GRID2: variants seen among roughly 807,000 people sequenced by gnomAD.
GRID2 encodes glutamate receptor ionotropic, delta-2.
GRID2 carries 33 observed loss-of-function variants against 114.8 expected under a neutral mutation model. That is an observed-to-expected ratio of 0.29 (90% confidence interval 0.22 to 0.38). The LOEUF (loss-of-function observed/expected upper bound fraction) is 0.38. Among genes scored for constraint, GRID2 ranks in the 10% least tolerant of loss-of-function variants. The pLI is 1.00. For synonymous variants in GRID2, 505 were observed against 449.9 expected (o/e 1.12, Z -1.55); for missense variants, 1,184 against 1,257.7 (o/e 0.94, Z 0.89).
intron 2 of GRID2, among the ~76,000 whole-genome samples, chr4:92,658,793 GTATATATATATA>G (rs201480396): frequency 2.3e-5 from 3 of 132,388 alleles, no homozygotes; most frequent in Non-Finnish European, 3.2e-5. Flanking sequence ...GTGTGTGTGT[GTATATATATATA>G]TATATATATA....
At chr4:93,489,087 G>A (rs953105932) in intron 11 of GRID2, among the ~76,000 whole-genome samples, 1 of 151,718 alleles carries the variant, frequency 6.6e-6, no homozygotes, top group African/African-American at 2.4e-5. Flanking sequence ...AAATTATAAA[G>A]GACGGAAATA....
chr4:93,775,563 G>A (rs1034914189), downstream of GRID2, among the ~76,000 whole-genome samples: 4 of 152,178 alleles, frequency 2.6e-5, no homozygotes, highest in African/African-American at 9.7e-5. Flanking sequence ...GTCGGTTCCT[G>A]TTTCTGTCTA....
At chr4:92,491,258 T>C (rs570236153) in intron 1 of GRID2, among the ~76,000 whole-genome samples, 28 of 152,302 alleles carry the variant, frequency 1.8e-4, no homozygotes, top group Non-Finnish European at 3.7e-4. Context: ...TGCATATATA[T>C]GCATCTTGCA....
chr4:93,721,089 G>A (rs1729329954), intron 14 of GRID2, among the ~76,000 whole-genome samples: 1 of 152,104 alleles, frequency 6.6e-6, no homozygotes, highest in African/African-American at 2.4e-5. Flanking sequence ...AAGTTTTACA[G>A]GAAATCAAAG....
At chr4:92,956,968 G>A (rs1752450159) in intron 2 of GRID2, among the ~76,000 whole-genome samples, 1 of 152,050 alleles carries the variant, frequency 6.6e-6, no homozygotes, top group Admixed American at 6.6e-5. Flanking sequence ...CTTTGGTGAG[G>A]TATCTTTTAA....
intron 2 of GRID2, among the ~76,000 whole-genome samples, chr4:93,073,861 A>G (rs1399445960): frequency 1.3e-5 from 2 of 152,202 alleles, no homozygotes; most frequent in Non-Finnish European, 2.9e-5. Flanking sequence ...AGGGGCAGTA[A>G]CAGTGACAAC....
At chr4:93,105,937 G>C (rs1331553786) in intron 3 of GRID2, among the ~76,000 whole-genome samples, 2 of 152,072 alleles carry the variant, frequency 1.3e-5, no homozygotes, top group Non-Finnish European at 2.9e-5. Flanking sequence ...TATATTCACA[G>C]ATTACAGGGA....
intron 2 of GRID2, among the ~76,000 whole-genome samples, chr4:92,878,006 A>G (rs1268582878): frequency 1.3e-5 from 2 of 152,180 alleles, no homozygotes; most frequent in Non-Finnish European, 2.9e-5. Context: ...TGCTACAAAT[A>G]CTCAATTTGT....
intron 8 of GRID2, among the ~76,000 whole-genome samples, chr4:93,243,470 A>G (rs1579403053): frequency 6.6e-6 from 1 of 152,048 alleles, no homozygotes. Flanking sequence ...TTTTCAGTTG[A>G]CGGACTGTCA....
chr4:93,216,871 C>G lies in GRID2; in HGVS notation c.923C>G (p.Thr308Arg). ...CGTGGCAACCATCGAATATCTTCAA[C>G]ATTGTGTGATCCAAAGGATCCATTT... ...CFRGNHRISS[T>R]LCDPKDPFAQ... is the part of the protein sequence containing the mutation. The change falls in exon 6 of 16, where the codon ACA (threonine) becomes AGA (arginine). Residue 308 changes from threonine (T) to arginine (R), a missense_variant. Transcript: ENST00000282020. 6.2e-7 allele frequency: 1 copy of G among 1,612,888 alleles called. No homozygotes were observed.
chr4:93,199,628 A>C (rs1010767577), intron 4 of GRID2, among the ~76,000 whole-genome samples: 4 of 152,192 alleles, frequency 2.6e-5, no homozygotes, highest in African/African-American at 9.7e-5. Context: ...AAAGCAAAAA[A>C]GCAGAGTGGA....
intron 1 of GRID2, among the ~76,000 whole-genome samples, chr4:92,318,497 T>C (rs1726128054): frequency 6.8e-6 from 1 of 146,078 alleles, no homozygotes; most frequent in African/African-American, 2.5e-5. Context: ...TATATGCCTA[T>C]ATGCCAGGAC....
intron 2 of GRID2, among the ~76,000 whole-genome samples, chr4:92,954,124 G>A (rs962673012): frequency 2.6e-5 from 4 of 151,802 alleles, no homozygotes; most frequent in African/African-American, 4.8e-5. Flanking sequence ...GCACAAGGTC[G>A]AAAGCACATT....
chr4:93,761,249 G>A (rs1297812234), intron 14 of GRID2, among the ~76,000 whole-genome samples: 2 of 152,112 alleles, frequency 1.3e-5, no homozygotes, highest in South Asian at 4.1e-4. Context: ...ACCATCTCTG[G>A]TTCTAAAACG....
intron 2 of GRID2, among the ~76,000 whole-genome samples, chr4:92,615,274 T>C (rs78856840): frequency 0.026 from 3,888 of 151,538 alleles, 164 homozygotes; most frequent in African/African-American, 0.087. Context: ...CTCTGAGGCC[T>C]TTTCTTCTAA....
rs1392540294 is a variant in GRID2 at position 92,376,309 on chromosome 4, CA to C, written c.88+71572del. Among the ~76,000 whole-genome samples, 6 of 151,978 alleles carry C rather than the reference CA, an allele frequency of 3.9e-5. No individual in the cohort carries two copies. The South Asian group carries it at 8.3e-4, about 21-fold the overall frequency. ...TGGGCAACACAGCAAGACTCCATCT[CA>C]AAAAAATAATATATTAAAACTCGAA... On this transcript the variant is annotated intron_variant, in intron 1 of 15. Coordinates refer to ENST00000282020, the MANE Select transcript of GRID2 (RefSeq NM_001510.4).
intron 2 of GRID2, among the ~76,000 whole-genome samples, chr4:92,740,701 TAGATA>T (rs1560565438): frequency 2.4e-4 from 17 of 70,514 alleles, no homozygotes; most frequent in African/African-American, 7.3e-4. Context: ...GATAGATAGA[TAGATA>T]GATAGATAGA....
At chr4:92,990,281 G>GTATATATATATATATATATA (rs1424772351) in intron 2 of GRID2, among the ~76,000 whole-genome samples, 3 of 50,104 alleles carry the variant, frequency 6.0e-5, no homozygotes, top group African/African-American at 1.8e-4. Flanking sequence ...ACGTAGATAT[G>GTATATATATATATATATATA]TGTGTGTATA....
chr4:93,421,026 A>C (rs1223488933), intron 9 of GRID2, among the ~76,000 whole-genome samples: 2 of 151,890 alleles, frequency 1.3e-5, no homozygotes, highest in Non-Finnish European at 2.9e-5. Flanking sequence ...GTGCTGGGAT[A>C]TTTCTTTCTT....
Sources: allele counts gnomAD v4.1 joint callset (sites outside exome capture counted in the v4.1 genomes callset), GRCh38; gene constraint gnomAD v4.1.1; transcripts MANE v1.5; gene names NCBI Gene and HGNC (gene_info 2026-07-23, HGNC 2026-07-21).